DRG1: variants seen among roughly 807,000 people sequenced by gnomAD.
DRG1 encodes developmentally-regulated GTP-binding protein 1.
A neutral mutation model predicts 38.8 loss-of-function variants in DRG1; 19 were observed. The ratio of observed to expected loss-of-function variants is 0.49; its 90% CI spans 0.34 to 0.72. The LOEUF is 0.72. Among genes scored for constraint, DRG1 ranks in the 30% least tolerant of loss-of-function variants. The probability of loss-of-function intolerance (pLI) is 0.01; values close to 1 mark genes in which losing one functional copy is unlikely to be tolerated. For missense variants in DRG1, 299 were observed against 444.8 expected (o/e 0.67, Z 2.95); for synonymous variants, 167 against 157.5 (o/e 1.06, Z -0.45).
chr22:31,413,886 T>C (rs1280353422), intron 4 of DRG1, among the ~76,000 whole-genome samples: 4 of 152,146 alleles, frequency 2.6e-5, no homozygotes, highest in African/African-American at 9.7e-5. Flanking sequence ...AGTGCTAGGA[T>C]TACAGGGGTG....
At chr22:31,426,439 A>G (rs2050110813) in intron 6 of DRG1, 176 bp from the exon 7 acceptor site, 3 of 559,608 alleles carry the variant, frequency 5.4e-6, no homozygotes, top group South Asian at 5.2e-5. Flanking sequence ...GACTTCTGTT[A>G]CTTTTCAACC....
intron 3 of DRG1, among the ~76,000 whole-genome samples, chr22:31,404,713 C>T (rs1263347368): frequency 6.6e-6 from 1 of 152,042 alleles, no homozygotes; most frequent in Non-Finnish European, 1.5e-5. Context: ...CCTCCGCCTC[C>T]AGGGTTCAAG....
intron 4 of DRG1, among the ~76,000 whole-genome samples, chr22:31,414,808 C>A: frequency 6.9e-6 from 1 of 144,888 alleles, no homozygotes; most frequent in African/African-American, 2.6e-5. Flanking sequence ...GAGATAGGAT[C>A]TTGCTCTCTT....
Position 31,434,285 on chromosome 22 carries a change from T to C in DRG1, c.*314T>C. On this transcript the variant is annotated 3_prime_UTR_variant, in exon 9 of 9. Coordinates refer to ENST00000331457, the MANE Select transcript of DRG1 (RefSeq NM_004147.4). The stretch of plus-strand genomic sequence containing the variant: ...AGAAGGGATCCTTGGGAACTTCATC[T>C]TGAGTGTGAAATGGATAAAAATATG... The C allele has an allele frequency of 3.8e-6, 1 of 265,162 alleles. No homozygotes were observed. The highest frequency in any genetic ancestry group is 9.5e-5 in the East Asian group (1 of 10,556). The allele number at this position is 265,162 out of a possible 1,614,324, so 16.4% of individuals were successfully genotyped here.
At chr22:31,405,411 A>T (rs1459696315) in intron 3 of DRG1, among the ~76,000 whole-genome samples, 1 of 151,976 alleles carries the variant, frequency 6.6e-6, no homozygotes. Flanking sequence ...TGTGATCCAC[A>T]TGCCTTGGCC....
chr22:31,423,463 G>A (rs2145868556), intron 6 of DRG1, 53 bp downstream of exon 6: 1 of 1,604,818 alleles, frequency 6.2e-7, no homozygotes, highest in Non-Finnish European at 8.5e-7. Flanking sequence ...CCTTGTGATG[G>A]AAACAGTATT....
Position 31,401,008 on chromosome 22 carries a change from A to G in DRG1, c.166+265A>G, listed in dbSNP as rs1434246140. Among the ~76,000 whole-genome samples the G allele has an allele frequency of 9.9e-5, 15 of 152,202 alleles. No homozygotes were observed. In the East Asian group the frequency reaches 1.9e-3, roughly 20 times the overall value. ...AAAGATGTTCTACTAAAGTAGATTT[A>G]TATTTTCTAAGCATGAATTCTTGAA... is the stretch of plus-strand genomic sequence containing the variant. On this transcript the variant is annotated intron_variant, in intron 2 of 8. Coordinates refer to ENST00000331457, the MANE Select transcript of DRG1 (RefSeq NM_004147.4).
chr22:31,434,007 A>G lies in DRG1; in HGVS notation c.*36A>G. 1 of 1,590,664 alleles carries G rather than the reference A, an allele frequency of 6.3e-7. No individual in the cohort carries two copies. The highest frequency in any genetic ancestry group is 8.6e-7 in the Non-Finnish European group (1 of 1,160,364). ...TTTTCCCATCTGCCGGACGAACCAC[A>G]ACAGCGTTCCCCATGATCAAGCACC... is the stretch of plus-strand genomic sequence containing the variant. On this transcript the variant is annotated 3_prime_UTR_variant, in exon 9 of 9. Coordinates refer to ENST00000331457, the MANE Select transcript of DRG1 (RefSeq NM_004147.4).
At chr22:31,430,603 G>C (rs1435204532) in intron 8 of DRG1, among the ~76,000 whole-genome samples, 3 of 151,938 alleles carry the variant, frequency 2.0e-5, no homozygotes, top group Non-Finnish European at 2.9e-5. Flanking sequence ...GTCTCACCGT[G>C]TTAGCCAGGA....
chr22:31,423,432 T>A, intron 6 of DRG1, 22 bp downstream of exon 6: 1 of 1,613,342 alleles, frequency 6.2e-7, no homozygotes, highest in Non-Finnish European at 8.5e-7. Context: ...GTGTGCAGTC[T>A]GTGCCTGACT....
chr22:31,426,841 G>A, intron 7 of DRG1, 59 bp downstream of exon 7: 1 of 1,567,680 alleles, frequency 6.4e-7, no homozygotes, highest in East Asian at 2.2e-5. Flanking sequence ...GTCCTAAAAT[G>A]ATACTTTCTG....
At chr22:31,409,587 G>C (rs1325673090) in intron 3 of DRG1, among the ~76,000 whole-genome samples, 1 of 152,172 alleles carries the variant, frequency 6.6e-6, no homozygotes, top group African/African-American at 2.4e-5. Flanking sequence ...TTGGGGATTT[G>C]CAGAAATTGC....
In DRG1 at chr22:31,423,295, C is replaced by A. The variant is rs150581672; in HGVS notation, c.598C>A (p.Leu200Met). The part of the protein sequence containing the change: ...NLTATCPQSE[L>M]DAETVKSILA... ...TCCCTTTCAGTGCCCCCAGAGTGAG[C>A]TGGATGCTGAAACTGTGAAGAGCAT... Residue 200 changes from leucine (L) to methionine (M), a missense_variant, in exon 6 of 9, where the codon CTG (leucine) becomes ATG (methionine). Physicochemically the swap from Leu to Met is conservative, Grantham distance 15. Transcript: ENST00000331457. 5.0e-5 allele frequency: 81 copies of A among 1,613,812 alleles called. No individual in the cohort carries two copies. In the African/African-American group the frequency reaches 1.0e-3, roughly 20 times the overall value.
chr22:31,414,846 C>G lies in DRG1; in HGVS notation c.412+3765C>G, dbSNP rs545903297. On this transcript the variant is annotated intron_variant, in intron 4 of 8. Coordinates refer to ENST00000331457, the MANE Select transcript of DRG1 (RefSeq NM_004147.4). ...CCAGGCTGGAGTACAGTGGCATGAT[C>G]ACAGCTCACTGCAGCCTCAATTTCC... Among the ~76,000 whole-genome samples, 14 of 150,410 alleles carry G rather than the reference C, an allele frequency of 9.3e-5. No individual in the cohort carries two copies. The South Asian group carries it at 2.9e-3, about 32-fold the overall frequency.
chr22:31,406,074 G>A (rs779469556), intron 3 of DRG1, among the ~76,000 whole-genome samples: 38 of 146,100 alleles, frequency 2.6e-4, no homozygotes, highest in Non-Finnish European at 5.1e-4. Flanking sequence ...GCACAATCTC[G>A]GCTCACTCCA....
rs764869196 is a variant in DRG1, at chr22:31,420,290, G to T, written c.447G>T (p.Leu149=). The T allele has an allele frequency of 6.8e-6, 11 of 1,613,992 alleles. No individual in the cohort carries two copies. The highest frequency in any genetic ancestry group is 9.3e-6 in the Non-Finnish European group (11 of 1,179,992). Residue 149 remains leucine, a synonymous_variant, in exon 5 of 9, where the codon CTG becomes CTT. Coordinates refer to ENST00000331457, the MANE Select transcript of DRG1 (RefSeq NM_004147.4). ...CCTGTAACTTGATCTTGATTGTTCT[G>T]GATGTCCTGAAACCTTTGGGACATA... The part of the protein sequence containing the change: ...ARTCNLILIV[L]DVLKPLGHKK...
At position 31,420,376 on chromosome 22, in the gene DRG1, A is replaced by G; in HGVS notation, c.533A>G (p.Asn178Ser). 1.2e-6 allele frequency: 2 copies of G among 1,614,166 alleles called. No individual in the cohort carries two copies. The highest frequency in any genetic ancestry group is 8.5e-7 in the Non-Finnish European group (1 of 1,180,044). ...ATTCGCTTGAACAGCAAACCCCCCA[A>G]CATTGGCTTTAAGAAGAAGGACAAG... ...FGIRLNSKPPNIGFKKKDKGG... is the reference protein window; with the variant it reads ...FGIRLNSKPPSIGFKKKDKGG... Residue 178 changes from asparagine to serine, a missense_variant, in exon 5 of 9, where the codon AAC (asparagine) becomes AGC (serine). This residue lies in a region of DRG1 where 198 missense variants were observed against 268.1 expected (regional missense o/e 0.74). Coordinates refer to ENST00000331457, the MANE Select transcript of DRG1 (RefSeq NM_004147.4).
intron 4 of DRG1, among the ~76,000 whole-genome samples, chr22:31,416,992 G>C (rs976044430): frequency 5.3e-5 from 8 of 151,600 alleles, no homozygotes; most frequent in Non-Finnish European, 1.0e-4. Flanking sequence ...TTGAGCCCAG[G>C]AGGTCAATCT....
In DRG1 at chr22:31,423,510, G is replaced by A. The variant is rs1020323915; in HGVS notation, c.713+100G>A. On this transcript the variant is annotated intron_variant, in intron 6 of 8. Transcript: ENST00000331457. ...CTGGCAGAAGTTTATCTTAATTCCA[G>A]TTGTCCTACTGTCTTTTTTTTTTTT... 10 of 865,480 alleles carry A rather than the reference G, an allele frequency of 1.2e-5. No individual in the cohort carries two copies. In the African/African-American group the frequency reaches 1.6e-4, roughly 14 times the overall value. 53.6% of individuals were successfully genotyped at this position (865,480 alleles called of 1,614,324 possible).
Sources: gnomAD v4.1 joint callset for allele counts (sites outside exome capture counted in the v4.1 genomes callset) on GRCh38, gnomAD v4.1.1 for gene constraint, gnomAD v4.1.1 regional missense constraint, MANE v1.5 for transcripts, NCBI Gene and HGNC (gene_info 2026-07-23, HGNC 2026-07-21) for gene names.